The following PNPLA3 variants were observed in gnomAD, a reference collection of about 807,000 sequenced individuals.
The protein encoded by PNPLA3 is 1-acylglycerol-3-phosphate O-acyltransferase PNPLA3.
PNPLA3 carries 42 observed loss-of-function variants against 43.1 expected under a neutral mutation model. The observed-to-expected ratio is 0.97, with a 90% confidence interval of 0.76 to 1.26. PNPLA3 has a LOEUF of 1.26. PNPLA3 is among the 50% of genes most tolerant of loss of function. The pLI is 0.00. For missense variants in PNPLA3, 647 were observed against 621.4 expected (o/e 1.04, Z -0.44); for synonymous variants, 272 against 253.6 (o/e 1.07, Z -0.69).
chr22:43,927,223 G>A, intron 2 of PNPLA3, 56 bp downstream of exon 2: 2 of 1,525,280 alleles, frequency 1.3e-6, no homozygotes, highest in East Asian at 2.3e-5. Flanking sequence ...TTTGGGATGG[G>A]TGTGGTGGCT....
chr22:43,939,456 A>G, intron 6 of PNPLA3: 2 of 927,036 alleles, frequency 2.2e-6, no homozygotes, highest in Non-Finnish European at 2.6e-6. Flanking sequence ...TATGCTCCGT[A>G]AGCACTCTCT....
rs1021986198 is a variant in PNPLA3 at position 43,947,077 on chromosome 22, G to A, written c.*695G>A. On this transcript the variant is annotated 3_prime_UTR_variant, in exon 9 of 9. Transcript: ENST00000216180. Reference sequence around the variant, plus strand: ...AATAAGCCTTAAAAAAAAAAAAATCGGTTGGGTGCAGTGGCACACGGCTGT... The same window carrying A: ...AATAAGCCTTAAAAAAAAAAAAATCAGTTGGGTGCAGTGGCACACGGCTGT... 9 of 200,436 alleles carry A rather than the reference G, an allele frequency of 4.5e-5. No individual in the cohort carries two copies. The highest frequency in any genetic ancestry group is 1.8e-4 in the African/African-American group (7 of 39,804). 12.4% of individuals were successfully genotyped at this position (200,436 alleles called of 1,614,324 possible). A position where few individuals can be genotyped will look rare whatever the true frequency, so the allele number is the denominator to read the frequency against.
At chr22:43,938,469 C>A (rs1451983051) in intron 6 of PNPLA3, among the ~76,000 whole-genome samples, 2 of 152,142 alleles carry the variant, frequency 1.3e-5, no homozygotes, top group African/African-American at 4.8e-5. Flanking sequence ...TCTGGGGAGG[C>A]CTCAGGAAAC....
In PNPLA3 at chr22:43,946,162, T is replaced by C; in HGVS notation, c.1226T>C (p.Met409Thr). Residue 409 changes from methionine to threonine, a missense_variant, in exon 9 of 9, where the codon ATG (methionine) becomes ACG (threonine). Coordinates refer to ENST00000216180, the MANE Select transcript of PNPLA3 (RefSeq NM_025225.3). ...TCCTCCATGTGTTTCAGGTCCCAAA[T>C]GCCAGTGAGCAGCCAACAGGCCTCC... ...MCLLPASRSQ[M>T]PVSSQQASPC... 1.2e-6 allele frequency: 2 copies of C among 1,612,666 alleles called. No individual in the cohort carries two copies. Among genetic ancestry groups the C allele is most frequent in the Non-Finnish European group, 1.7e-6 (2 of 1,178,778 alleles).
chr22:43,942,575 A>T (rs1389074391), intron 7 of PNPLA3, among the ~76,000 whole-genome samples: 1 of 151,600 alleles, frequency 6.6e-6, no homozygotes, highest in African/African-American at 2.4e-5. Context: ...GTAAGTCCTT[A>T]TTTCAGTTAT....
intron 8 of PNPLA3, 111 bp downstream of exon 8, chr22:43,944,906 C>T (rs2050053382): frequency 1.9e-5 from 18 of 967,124 alleles, no homozygotes; most frequent in Middle Eastern, 3.1e-4. Context: ...AGGAGCTTGC[C>T]CTTGGGTGTG....
In PNPLA3 at chr22:43,937,173, G is replaced by A. The variant is rs1238244611; in HGVS notation, c.880G>A (p.Val294Met). 5.0e-6 allele frequency: 8 copies of A among 1,614,066 alleles called. No homozygotes were observed. In the Admixed American group the frequency reaches 1.2e-4, roughly 24 times the overall value. The change falls in exon 6 of 9, where the codon GTG becomes ATG. Residue 294 changes from valine (V) to methionine (M), a missense_variant. Physicochemically the swap from Val to Met is conservative, Grantham distance 21. Coordinates refer to ENST00000216180, the MANE Select transcript of PNPLA3 (RefSeq NM_025225.3). ...DSSPESAALA[V>M]RLEGDELLDH... ...TTCCCCGGAGTCGGCTGCCTTGGCTGTGAGGCTGGAGGGAGATGAGCTGCT... is the reference window on the plus strand; with the variant it reads ...TTCCCCGGAGTCGGCTGCCTTGGCTATGAGGCTGGAGGGAGATGAGCTGCT...
chr22:43,935,894 G>A (rs943454044), intron 5 of PNPLA3, among the ~76,000 whole-genome samples: 2 of 152,140 alleles, frequency 1.3e-5, no homozygotes, highest in Admixed American at 1.3e-4. Context: ...TGCGGGACAG[G>A]AAGCGAGATA....
intron 6 of PNPLA3, 62 bp downstream of exon 6, chr22:43,937,334 G>A: frequency 2.0e-6 from 3 of 1,495,540 alleles, no homozygotes; most frequent in Admixed American, 1.8e-5. Flanking sequence ...CATTATGGAG[G>A]AAGATGGTAC....
Position 43,946,548 on chromosome 22 carries a change from C to T in PNPLA3, c.*166C>T, listed in dbSNP as rs2146794125. 1 of 729,562 alleles carries T rather than the reference C, an allele frequency of 1.4e-6. No homozygotes were observed. Among genetic ancestry groups the T allele is most frequent in the Non-Finnish European group, 2.4e-6 (1 of 410,672 alleles). 45.2% of individuals were successfully genotyped at this position (729,562 alleles called of 1,614,324 possible). A position where few individuals can be genotyped will look rare whatever the true frequency, so the allele number is the denominator to read the frequency against. On this transcript the variant is annotated 3_prime_UTR_variant, in exon 9 of 9. Coordinates refer to ENST00000216180, the MANE Select transcript of PNPLA3 (RefSeq NM_025225.3). ...TGAAAAGCTAGGAAGCAACCTTTCG[C>T]CTGTGCAGCGGTCCAGCACTTAACT...
rs767604048 is a variant in PNPLA3, at chr22:43,946,771, G to C, written c.*389G>C. 2 of 525,532 alleles carry C rather than the reference G, an allele frequency of 3.8e-6. No individual in the cohort carries two copies. Among genetic ancestry groups the C allele is most frequent in the East Asian group, 5.4e-5 (1 of 18,664 alleles). 32.6% of individuals were successfully genotyped at this position (525,532 alleles called of 1,614,324 possible). A position where few individuals can be genotyped will look rare whatever the true frequency, so the allele number is the denominator to read the frequency against. On this transcript the variant is annotated 3_prime_UTR_variant, in exon 9 of 9. Transcript: ENST00000216180. The stretch of plus-strand genomic sequence containing the variant: ...GGCTGGCCCATGTGTGATCTTGTGG[G>C]GTGGAGGGAAGAGAATAGCATGATC...
rs373173858 is a variant in PNPLA3 at position 43,946,412 on chromosome 22, C to G, written c.*30C>G. On this transcript the variant is annotated 3_prime_UTR_variant, in exon 9 of 9. Coordinates refer to ENST00000216180, the MANE Select transcript of PNPLA3 (RefSeq NM_025225.3). ...CTTGAGGAGGCGAGTCTAGCAGATTCTTTCAGAGGTGCTAAAGTTTCCCAT... is the reference window on the plus strand; with the variant it reads ...CTTGAGGAGGCGAGTCTAGCAGATTGTTTCAGAGGTGCTAAAGTTTCCCAT... The G allele has an allele frequency of 5.6e-6, 9 of 1,593,506 alleles. No individual in the cohort carries two copies. The highest frequency in any genetic ancestry group is 1.7e-4 in the Middle Eastern group (1 of 6,042).
At chr22:43,944,626 G>A (rs2146792242) in intron 7 of PNPLA3, 65 bp from the exon 8 acceptor site, 1 of 1,320,250 alleles carries the variant, frequency 7.6e-7, no homozygotes, top group Non-Finnish European at 1.1e-6. Flanking sequence ...GTAAACAAAG[G>A]GTAGTGTTGT....
At chr22:43,939,388 C>A (rs187774129) in intron 6 of PNPLA3, 1 of 982,594 alleles carries the variant, frequency 1.0e-6, no homozygotes, top group East Asian at 1.1e-4. Context: ...AGCAGGCTTT[C>A]TGGAATGGCG....
chr22:43,946,683 T>G lies in PNPLA3; in HGVS notation c.*301T>G, dbSNP rs2050065679. On this transcript the variant is annotated 3_prime_UTR_variant, in exon 9 of 9. Coordinates refer to ENST00000216180, the MANE Select transcript of PNPLA3 (RefSeq NM_025225.3). ...GTGGCCCTATTAATGGTCAGACTGT[T>G]CCAGCATGAGGTTCTTAGAATGACA... The G allele has an allele frequency of 1.7e-6, 1 of 584,670 alleles. No homozygotes were observed. The highest frequency in any genetic ancestry group is 1.8e-5 in the African/African-American group (1 of 54,352). The allele number at this position is 584,670 out of a possible 1,614,324, so 36.2% of individuals were successfully genotyped here. A position where few individuals can be genotyped will look rare whatever the true frequency, so the allele number is the denominator to read the frequency against.
intron 3 of PNPLA3, among the ~76,000 whole-genome samples, chr22:43,932,334 C>T (rs2049966768): frequency 6.6e-6 from 1 of 152,148 alleles, no homozygotes; most frequent in African/African-American, 2.4e-5. Flanking sequence ...TCTCAAAAGT[C>T]CCTCCAGGTG....
intron 3 of PNPLA3, among the ~76,000 whole-genome samples, chr22:43,929,431 G>A (rs868483587): frequency 2.5e-4 from 36 of 146,652 alleles, no homozygotes; most frequent in Middle Eastern, 7.2e-3. Context: ...AGCCAAGATC[G>A]CACCACTGCA....
intron 5 of PNPLA3, among the ~76,000 whole-genome samples, chr22:43,935,586 C>T (rs574400662): frequency 1.3e-3 from 198 of 151,642 alleles, no homozygotes; most frequent in African/African-American, 4.5e-3. Flanking sequence ...TAAGTAGGAG[C>T]GCCTTAGGCA....
In PNPLA3 at chr22:43,944,843, A is replaced by G. The variant is rs538996717; in HGVS notation, c.1217+48A>G. Reference sequence around the variant, plus strand: ...TGTGGGCCGGACGGGCACCTCTCTCATCTGATGAGGCCTCACACGACATTC... The same window carrying G: ...TGTGGGCCGGACGGGCACCTCTCTCGTCTGATGAGGCCTCACACGACATTC... On this transcript the variant is annotated intron_variant, in intron 8 of 8. Coordinates refer to ENST00000216180, the MANE Select transcript of PNPLA3 (RefSeq NM_025225.3). The G allele has an allele frequency of 2.8e-6, 4 of 1,450,910 alleles. No individual in the cohort carries two copies. The East Asian group carries it at 6.8e-5, about 25-fold the overall frequency. 89.9% of individuals were successfully genotyped at this position (1,450,910 alleles called of 1,614,324 possible).
Sources: gnomAD v4.1 joint callset for allele counts (sites outside exome capture counted in the v4.1 genomes callset) on GRCh38, gnomAD v4.1.1 for gene constraint, MANE v1.5 for transcripts, NCBI Gene and HGNC (gene_info 2026-07-23, HGNC 2026-07-21) for gene names.